TMPRSS11E: variants seen among roughly 807,000 people sequenced by gnomAD.
TMPRSS11E encodes transmembrane protease serine 11E.
In TMPRSS11E, 38 loss-of-function variants were observed where a neutral mutation model predicts 48.1. That is an observed-to-expected ratio of 0.79 (90% CI 0.61 to 1.04). The LOEUF (loss-of-function observed/expected upper bound fraction) is 1.04. Ranked by LOEUF, TMPRSS11E falls within the 50% of genes least tolerant of loss-of-function variation. The probability of loss-of-function intolerance (pLI) is 0.00; values close to 1 mark genes in which losing one functional copy is unlikely to be tolerated. For missense variants in TMPRSS11E, 530 were observed against 510.8 expected, an observed-to-expected ratio of 1.04 and a Z score of -0.36; for synonymous variants, 158 against 171.9, an observed-to-expected ratio of 0.92 and a Z score of 0.63.
chr4:68,480,687 G>A (rs896404108), intron 9 of TMPRSS11E, among the ~76,000 whole-genome samples: 2 of 152,028 alleles, frequency 1.3e-5, no homozygotes, highest in African/African-American at 2.4e-5. Flanking sequence ...TTCATTGTAT[G>A]ATGACTGATA....
chr4:68,478,273 A>T (rs1729293840), intron 8 of TMPRSS11E, among the ~76,000 whole-genome samples: 1 of 149,420 alleles, frequency 6.7e-6, no homozygotes. Flanking sequence ...CTCCTGCCTC[A>T]GCCTCCCCAG....
At chr4:68,449,129 T>G (rs1358687) in intron 1 of TMPRSS11E, among the ~76,000 whole-genome samples, 146,781 of 150,962 alleles carry the variant, frequency 0.97, 71,493 homozygotes, top group Non-Finnish European at 1. Context: ...AGTTTTTTTT[T>G]TTTTTTTTTA....
intron 9 of TMPRSS11E, among the ~76,000 whole-genome samples, chr4:68,490,861 C>A (rs979682880): frequency 6.9e-6 from 1 of 145,754 alleles, no homozygotes; most frequent in African/African-American, 2.5e-5. Flanking sequence ...TAGGTTCCAG[C>A]AATTCTCCTG....
At chr4:68,490,026 G>A (rs912941558) in intron 9 of TMPRSS11E, among the ~76,000 whole-genome samples, 43 of 152,320 alleles carry the variant, frequency 2.8e-4, no homozygotes, top group African/African-American at 7.7e-4. Context: ...CATGGGGGAT[G>A]AGGGGTCTCC....
chr4:68,454,656 A>G (rs1468116905), intron 1 of TMPRSS11E, among the ~76,000 whole-genome samples: 1 of 151,908 alleles, frequency 6.6e-6, no homozygotes, highest in Non-Finnish European at 1.5e-5. Flanking sequence ...ATTAATTCAG[A>G]TAGAATTTTG....
chr4:68,464,075 T>C (rs1728866286), intron 2 of TMPRSS11E, among the ~76,000 whole-genome samples: 1 of 152,228 alleles, frequency 6.6e-6, no homozygotes, highest in Non-Finnish European at 1.5e-5. Context: ...TGAGTAATAC[T>C]GAACACACAG....
At chr4:68,455,353 G>T (rs935417356) in intron 1 of TMPRSS11E, among the ~76,000 whole-genome samples, 2 of 151,852 alleles carry the variant, frequency 1.3e-5, no homozygotes, top group Admixed American at 1.3e-4. Flanking sequence ...TTAAATTTCC[G>T]CTGATTTTTT....
Position 68,478,864 on chromosome 4 carries a change from A to T in TMPRSS11E, c.983A>T (p.His328Leu). The change falls in exon 9 of 10, where the codon CAT becomes CTT. Residue 328 changes from histidine to leucine, a missense_variant. Coordinates refer to ENST00000305363, the MANE Select transcript of TMPRSS11E (RefSeq NM_014058.4). Reference sequence around the variant, plus strand: ...TTTCTTTTAGGTTACAGTCAAAATCATCTTCGACAAGCACAGGTGACTCTC... The same window carrying T: ...TTTCTTTTAGGTTACAGTCAAAATCTTCTTCGACAAGCACAGGTGACTCTC... The part of the protein sequence containing the change: ...ALKNDGYSQN[H>L]LRQAQVTLID... 1 of 1,613,888 alleles carries T rather than the reference A, an allele frequency of 6.2e-7. No individual in the cohort carries two copies. Among genetic ancestry groups the T allele is most frequent in the Non-Finnish European group, 8.5e-7 (1 of 1,179,912 alleles).
Position 68,468,882 on chromosome 4 carries a change from A to G in TMPRSS11E, c.262A>G (p.Lys88Glu), listed in dbSNP as rs758082339. ...EMSQRLESMV[K>E]NAFYKSPLRE... ...TTTTGAATATTTTTACAAACAGGTGAAAAATGCATTTTATAAATCTCCATT... is the reference window on the plus strand; with the variant it reads ...TTTTGAATATTTTTACAAACAGGTGGAAAATGCATTTTATAAATCTCCATT... The change falls in exon 4 of 10, where the codon AAA becomes GAA. Residue 88 changes from lysine (K) to glutamate (E), a missense_variant. Coordinates refer to ENST00000305363, the MANE Select transcript of TMPRSS11E (RefSeq NM_014058.4). 3.7e-6 allele frequency: 6 copies of G among 1,601,006 alleles called. No homozygotes were observed. Among genetic ancestry groups the G allele is most frequent in the Non-Finnish European group, 5.1e-6 (6 of 1,168,414 alleles).
chr4:68,481,744 G>A (rs1487720098), intron 9 of TMPRSS11E, among the ~76,000 whole-genome samples: 1 of 152,186 alleles, frequency 6.6e-6, no homozygotes, highest in East Asian at 1.9e-4. Flanking sequence ...GAGCTCAGAA[G>A]TTCAAGACCA....
chr4:68,492,508 T>A lies in TMPRSS11E; in HGVS notation c.1111-4135T>A, dbSNP rs139480665. Among the ~76,000 whole-genome samples the A allele has an allele frequency of 5.0e-3, 758 of 152,334 alleles. 6 individuals carry two copies. Among genetic ancestry groups the A allele is most frequent in the African/African-American group, 0.018 (733 of 41,576 alleles). On this transcript the variant is annotated intron_variant, in intron 9 of 9. Coordinates refer to ENST00000305363, the MANE Select transcript of TMPRSS11E (RefSeq NM_014058.4). Reference sequence around the variant, plus strand: ...ATTATCTTTGCTGGCGATTTTGCTGTTTAAAATAGTCCCCAACTGTAGTGC... The same window carrying A: ...ATTATCTTTGCTGGCGATTTTGCTGATTAAAATAGTCCCCAACTGTAGTGC...
At chr4:68,467,032 G>A (rs140090802) in intron 3 of TMPRSS11E, among the ~76,000 whole-genome samples, 4 of 152,172 alleles carry the variant, frequency 2.6e-5, no homozygotes, top group East Asian at 3.9e-4. Context: ...AGAGTCCAGA[G>A]ATTCTGGAAA....
At chr4:68,486,421 C>T (rs62299461) in intron 9 of TMPRSS11E, among the ~76,000 whole-genome samples, 368 of 152,176 alleles carry the variant, frequency 2.4e-3, no homozygotes, top group Middle Eastern at 0.014. Context: ...CAGGAGCAGG[C>T]TGTTTAATTT....
At chr4:68,472,774 A>C (rs2109691068) in intron 5 of TMPRSS11E, among the ~76,000 whole-genome samples, 1 of 152,200 alleles carries the variant, frequency 6.6e-6, no homozygotes, top group East Asian at 1.9e-4. Flanking sequence ...TGTTTTCAAA[A>C]AGCAAGAAAA....
At chr4:68,468,680 T>A (rs896582190) in intron 3 of TMPRSS11E, among the ~76,000 whole-genome samples, 199 bp from the exon 4 acceptor site, 1 of 152,090 alleles carries the variant, frequency 6.6e-6, no homozygotes, top group Non-Finnish European at 1.5e-5. Flanking sequence ...CCTACTCCTA[T>A]CATTCCTAAG....
chr4:68,487,542 A>T (rs1729593822), intron 9 of TMPRSS11E, among the ~76,000 whole-genome samples: 1 of 152,022 alleles, frequency 6.6e-6, no homozygotes, highest in Non-Finnish European at 1.5e-5. Context: ...GTGAGAAACC[A>T]TGCCTAGCCA....
At chr4:68,463,996 A>G (rs1047367967) in intron 2 of TMPRSS11E, among the ~76,000 whole-genome samples, 7 of 152,190 alleles carry the variant, frequency 4.6e-5, no homozygotes, top group African/African-American at 1.2e-4. Flanking sequence ...ACTCATATGT[A>G]TACAGTGAAA....
chr4:68,486,934 A>C (rs1345475247), intron 9 of TMPRSS11E, among the ~76,000 whole-genome samples: 7 of 152,160 alleles, frequency 4.6e-5, no homozygotes, highest in Non-Finnish European at 7.3e-5. Context: ...CTGAAATAAG[A>C]GTAGCAACCC....
At chr4:68,457,056 G>T (rs565791928) in intron 1 of TMPRSS11E, among the ~76,000 whole-genome samples, 2 of 152,168 alleles carry the variant, frequency 1.3e-5, no homozygotes, top group Non-Finnish European at 1.5e-5. Flanking sequence ...TTGACAAATG[G>T]GATCTAATTA....
Sources: allele counts gnomAD v4.1 joint callset (sites outside exome capture counted in the v4.1 genomes callset), GRCh38; gene constraint gnomAD v4.1.1; transcripts MANE v1.5; gene names NCBI Gene and HGNC (gene_info 2026-07-23, HGNC 2026-07-21).